The following EYS variants were observed in gnomAD, a reference collection of about 807,000 sequenced individuals.
EYS encodes EGF-like photoreceptor maintenance factor.
Under a neutral mutation model 282.1 loss-of-function variants are expected in EYS, and 250 were observed. The ratio of observed to expected loss-of-function variants is 0.89; its 90% CI spans 0.80 to 0.98. EYS has a LOEUF of 0.98. Ranked by LOEUF, EYS falls within the 50% of genes least tolerant of loss-of-function variation. The pLI is 0.00. For missense variants in EYS, 4,016 were observed against 3,709.0 expected (o/e 1.08, Z -2.15); for synonymous variants, 1,355 against 1,282.9 (o/e 1.06, Z -1.20).
At chr6:63,767,848 A>T (rs1769834162) in intron 40 of EYS, among the ~76,000 whole-genome samples, 1 of 152,178 alleles carries the variant, frequency 6.6e-6, no homozygotes, top group South Asian at 2.1e-4. Context: ...CAGTAACCAA[A>T]ATAGCATGGC....
intron 33 of EYS, among the ~76,000 whole-genome samples, chr6:64,062,670 G>T (rs1771217123): frequency 7.5e-6 from 1 of 133,058 alleles, no homozygotes; most frequent in Non-Finnish European, 1.6e-5. Context: ...CAACCTGGGG[G>T]ACAAGAGCAG....
chr6:65,422,530 T>C (rs990605185), intron 5 of EYS, among the ~76,000 whole-genome samples: 3 of 151,738 alleles, frequency 2.0e-5, no homozygotes, highest in African/African-American at 7.3e-5. Flanking sequence ...ACACTTCACA[T>C]AGAAAAAATG....
At chr6:65,190,161 C>G (rs1041999538) in intron 12 of EYS, among the ~76,000 whole-genome samples, 1 of 150,944 alleles carries the variant, frequency 6.6e-6, no homozygotes, top group African/African-American at 2.4e-5. Context: ...AGCATTATAA[C>G]TTTCGTGGGC....
At chr6:63,940,232 T>C (rs1380353400) in intron 35 of EYS, among the ~76,000 whole-genome samples, 1 of 152,158 alleles carries the variant, frequency 6.6e-6, no homozygotes, top group Non-Finnish European at 1.5e-5. Flanking sequence ...AAAAGTCTAA[T>C]TGCTTGCTAT....
At chr6:64,323,770 G>A (rs908584535) in intron 29 of EYS, among the ~76,000 whole-genome samples, 4 of 152,076 alleles carry the variant, frequency 2.6e-5, no homozygotes, top group Admixed American at 6.6e-5. Flanking sequence ...TACATGCTGT[G>A]AATTGGAGTA....
intron 12 of EYS, among the ~76,000 whole-genome samples, chr6:65,254,014 A>G (rs1288693336): frequency 1.3e-5 from 2 of 151,856 alleles, no homozygotes. Context: ...CTTTATATCT[A>G]TAAAGTCATA....
chr6:64,611,158 T>G (rs766045086), intron 24 of EYS, among the ~76,000 whole-genome samples: 16 of 151,772 alleles, frequency 1.1e-4, no homozygotes, highest in Non-Finnish European at 2.4e-4. Flanking sequence ...ATTTTTTGTG[T>G]TTTTTTTGTT....
intron 1 of EYS, among the ~76,000 whole-genome samples, chr6:65,652,903 G>T (rs542566020): frequency 1.3e-5 from 2 of 152,034 alleles, no homozygotes; most frequent in Admixed American, 1.3e-4. Flanking sequence ...TCCATAACAG[G>T]ACTGTAATGC....
chr6:64,477,687 A>G (rs540379326), intron 26 of EYS, among the ~76,000 whole-genome samples: 2 of 152,210 alleles, frequency 1.3e-5, no homozygotes, highest in East Asian at 1.9e-4. Flanking sequence ...GGTATTATTC[A>G]TAAGTGTTTT....
At chr6:64,841,158 G>A (rs1765552589) in intron 19 of EYS, among the ~76,000 whole-genome samples, 1 of 152,082 alleles carries the variant, frequency 6.6e-6, no homozygotes, top group Admixed American at 6.6e-5. Context: ...TTTTGAGAAT[G>A]CATGATGTAG....
chr6:64,160,411 A>T (rs531951290), intron 31 of EYS, among the ~76,000 whole-genome samples: 1 of 152,310 alleles, frequency 6.6e-6, no homozygotes, highest in Non-Finnish European at 1.5e-5. Context: ...CCTATTGAAC[A>T]CCAGATTGGT....
intron 33 of EYS, among the ~76,000 whole-genome samples, chr6:64,039,553 C>T (rs550458791): frequency 6.6e-6 from 1 of 152,180 alleles, no homozygotes; most frequent in Admixed American, 6.5e-5. Flanking sequence ...GCAAGACATT[C>T]TGGGTTTGAG....
At chr6:64,321,817 C>A (rs1440713268) in intron 29 of EYS, among the ~76,000 whole-genome samples, 1 of 151,880 alleles carries the variant, frequency 6.6e-6, no homozygotes, top group Non-Finnish European at 1.5e-5. Flanking sequence ...CCAACTATCA[C>A]ATGTTAGTCT....
At chr6:64,251,601 C>G (rs1004642913) in intron 30 of EYS, among the ~76,000 whole-genome samples, 1 of 152,124 alleles carries the variant, frequency 6.6e-6, no homozygotes, top group Non-Finnish European at 1.5e-5. Context: ...ATGTGGTTCT[C>G]CCAACGTAAA....
intron 30 of EYS, among the ~76,000 whole-genome samples, chr6:64,293,105 C>A (rs1768775146): frequency 1.3e-5 from 2 of 151,954 alleles, no homozygotes; most frequent in Admixed American, 1.3e-4. Context: ...ATCTTAAATT[C>A]CCTTGTGAAA....
intron 2 of EYS, among the ~76,000 whole-genome samples, chr6:65,600,854 CT>C (rs1765593738): frequency 6.6e-6 from 1 of 151,818 alleles, no homozygotes; most frequent in African/African-American, 2.4e-5. Context: ...CCCTCATGGG[CT>C]ATTCTATGGA....
intron 26 of EYS, among the ~76,000 whole-genome samples, chr6:64,581,499 T>A (rs1375490120): frequency 6.6e-6 from 1 of 152,190 alleles, no homozygotes; most frequent in Non-Finnish European, 1.5e-5. Context: ...CTGTTTAATG[T>A]CATTCTATGT....
chr6:64,355,176 C>T (rs764587380), intron 29 of EYS, among the ~76,000 whole-genome samples: 7 of 151,526 alleles, frequency 4.6e-5, no homozygotes, highest in Non-Finnish European at 1.0e-4. Flanking sequence ...GTGCTGCCTA[C>T]AGTTATCTCA....
At chr6:64,601,217 G>A (rs1364400818) in intron 24 of EYS, among the ~76,000 whole-genome samples, 2 of 151,910 alleles carry the variant, frequency 1.3e-5, no homozygotes, top group African/African-American at 2.4e-5. Flanking sequence ...ATTCAAAAAG[G>A]CTATAAAGAT....
Sources: gnomAD v4.1 joint callset for allele counts (sites outside exome capture counted in the v4.1 genomes callset) on GRCh38, gnomAD v4.1.1 for gene constraint, MANE v1.5 for transcripts, NCBI Gene and HGNC (gene_info 2026-07-23, HGNC 2026-07-21) for gene names.